Variants in MAP7 observed in about 807,000 individuals in gnomAD.
MAP7 encodes the protein microtubule associated protein 7.
MAP7 carries 52 observed loss-of-function variants against 94.8 expected under a neutral mutation model. The ratio of observed to expected loss-of-function variants is 0.55; its 90% confidence interval spans 0.44 to 0.69. MAP7 has a LOEUF of 0.69. MAP7 is among the 30% of genes least tolerant of loss of function. The probability of loss-of-function intolerance (pLI) is 0.00; values close to 1 mark genes in which losing one functional copy is unlikely to be tolerated. For missense variants in MAP7, 940 were observed against 964.6 expected, an observed-to-expected ratio of 0.97 and a Z score of 0.34; for synonymous variants, 350 against 357.0, an observed-to-expected ratio of 0.98 and a Z score of 0.22.
At chr6:136,509,713 C>G (rs1178483572) in intron 1 of MAP7, among the ~76,000 whole-genome samples, 1 of 152,100 alleles carries the variant, frequency 6.6e-6, no homozygotes, top group Non-Finnish European at 1.5e-5. Flanking sequence ...ACATGCACCA[C>G]CATGCTGGGC....
At chr6:136,373,768 T>C (rs1252036489) in intron 7 of MAP7, among the ~76,000 whole-genome samples, 3 of 152,258 alleles carry the variant, frequency 2.0e-5, no homozygotes, top group African/African-American at 7.2e-5. Context: ...CTATGCCAGC[T>C]GAATGTAAGA....
chr6:136,423,043 T>G (rs1465360577), intron 1 of MAP7, among the ~76,000 whole-genome samples: 1 of 152,158 alleles, frequency 6.6e-6, no homozygotes, highest in Non-Finnish European at 1.5e-5. Flanking sequence ...ACAGAATTGT[T>G]GAAAGATTAA....
chr6:136,469,223 A>G (rs986724090), intron 1 of MAP7, among the ~76,000 whole-genome samples: 4 of 151,890 alleles, frequency 2.6e-5, no homozygotes, highest in Non-Finnish European at 4.4e-5. Context: ...CATTCTTGGT[A>G]TTTTCTCAAG....
intron 1 of MAP7, among the ~76,000 whole-genome samples, chr6:136,505,229 T>C (rs889371786): frequency 2.4e-4 from 34 of 144,516 alleles, no homozygotes; most frequent in Admixed American, 2.1e-4. Flanking sequence ...AAGAACTCAA[T>C]TGTATATTAC....
intron 3 of MAP7, among the ~76,000 whole-genome samples, chr6:136,406,361 T>C (rs1294048619): frequency 6.6e-6 from 1 of 152,192 alleles, no homozygotes; most frequent in Admixed American, 6.5e-5. Flanking sequence ...GGAGAATAAC[T>C]CTTTCTCCAT....
intron 3 of MAP7, among the ~76,000 whole-genome samples, chr6:136,410,482 T>G (rs574935017): frequency 5.2e-4 from 79 of 152,306 alleles, no homozygotes; most frequent in African/African-American, 1.9e-3. Flanking sequence ...ACAGACAGCC[T>G]GCTCCCCAAG....
intron 1 of MAP7, among the ~76,000 whole-genome samples, chr6:136,471,096 T>C (rs1157985352): frequency 6.6e-6 from 1 of 152,234 alleles, no homozygotes; most frequent in East Asian, 1.9e-4. Flanking sequence ...ATTTTATTTA[T>C]GGTTATAGAA....
At position 136,525,789 on chromosome 6, in the gene MAP7, G is replaced by C. The variant is rs918704691; in HGVS notation, c.67+24553C>G. 4 of 1,518,570 alleles carry C rather than the reference G, an allele frequency of 2.6e-6. No individual in the cohort carries two copies. In the African/African-American group the frequency reaches 4.1e-5, roughly 16 times the overall value. 94.1% of individuals were successfully genotyped at this position (1,518,570 alleles called of 1,614,324 possible). On this transcript the variant is annotated intron_variant, in intron 1 of 17. Transcript: ENST00000354570. ...GTTCTATAGGCAGTGTGGGAGACAA[G>C]GGCTGGATCTGGCTCCGACCAAAGG...
intron 16 of MAP7, among the ~76,000 whole-genome samples, chr6:136,348,077 C>T (rs1378673869): frequency 6.7e-6 from 1 of 149,716 alleles, no homozygotes; most frequent in Non-Finnish European, 1.5e-5. Flanking sequence ...GCCTGGGCTG[C>T]CACACCCATC....
At chr6:136,533,342 T>C (rs1250725574) in intron 1 of MAP7, among the ~76,000 whole-genome samples, 1 of 152,152 alleles carries the variant, frequency 6.6e-6, no homozygotes, top group Non-Finnish European at 1.5e-5. Flanking sequence ...CAATTTGTTA[T>C]AGGTGGATCC....
chr6:136,430,632 A>C (rs1794628564), intron 1 of MAP7, among the ~76,000 whole-genome samples: 1 of 152,222 alleles, frequency 6.6e-6, no homozygotes, highest in Admixed American at 6.5e-5. Context: ...ATGATATGGT[A>C]GGTTCTGAAC....
intron 1 of MAP7, among the ~76,000 whole-genome samples, chr6:136,446,713 G>T (rs1302854393): frequency 6.6e-6 from 1 of 152,164 alleles, no homozygotes; most frequent in African/African-American, 2.4e-5. Context: ...AAGGATTTCA[G>T]TAGTTGCATG....
intron 7 of MAP7, among the ~76,000 whole-genome samples, chr6:136,373,846 G>A (rs900728626): frequency 6.6e-6 from 1 of 152,182 alleles, no homozygotes; most frequent in African/African-American, 2.4e-5. Context: ...GGATTATAGA[G>A]TTGAAAAAAG....
intron 1 of MAP7, among the ~76,000 whole-genome samples, chr6:136,492,430 A>C (rs1425473671): frequency 6.6e-6 from 1 of 152,228 alleles, no homozygotes; most frequent in Non-Finnish European, 1.5e-5. Flanking sequence ...TGATGAATGA[A>C]AAGGAAAACT....
intron 1 of MAP7, among the ~76,000 whole-genome samples, chr6:136,430,236 C>A (rs983509420): frequency 2.0e-5 from 3 of 152,064 alleles, no homozygotes; most frequent in Non-Finnish European, 4.4e-5. Context: ...ATTAAAACAA[C>A]GAACTGAAAA....
intron 1 of MAP7, among the ~76,000 whole-genome samples, chr6:136,538,898 C>A (rs542314118): frequency 6.6e-6 from 1 of 151,156 alleles, no homozygotes; most frequent in East Asian, 1.9e-4. Flanking sequence ...TGTACAGCAA[C>A]CTCCTGGAAC....
chr6:136,474,705 G>C (rs1430056914), intron 1 of MAP7, among the ~76,000 whole-genome samples: 3 of 146,368 alleles, frequency 2.0e-5, no homozygotes, highest in Non-Finnish European at 4.5e-5. Context: ...CTTCTATGCT[G>C]CATGTCAATC....
chr6:136,465,992 C>A (rs1163469378), intron 1 of MAP7, among the ~76,000 whole-genome samples: 3 of 152,060 alleles, frequency 2.0e-5, no homozygotes, highest in African/African-American at 7.2e-5. Flanking sequence ...GATAGAACAT[C>A]CACATAAACT....
chr6:136,543,735 T>G (rs1829507914), intron 1 of MAP7, among the ~76,000 whole-genome samples: 1 of 152,138 alleles, frequency 6.6e-6, no homozygotes, highest in East Asian at 1.9e-4. Flanking sequence ...AGGAAGATGG[T>G]AAACAGATCA....
Sources: allele counts gnomAD v4.1 joint callset (sites outside exome capture counted in the v4.1 genomes callset), GRCh38; gene constraint gnomAD v4.1.1; transcripts MANE v1.5; gene names NCBI Gene and HGNC (gene_info 2026-07-23, HGNC 2026-07-21).